DHX37: variants seen among roughly 807,000 people sequenced by gnomAD.
The protein encoded by DHX37 is DEAH-box helicase 37, also known as probable ATP-dependent RNA helicase DHX37.
DHX37 carries 52 observed loss-of-function variants against 134.3 expected under a neutral mutation model. The ratio of observed to expected loss-of-function variants is 0.39; its 90% CI spans 0.31 to 0.49. The LOEUF is 0.49. DHX37 is among the 20% of genes least tolerant of loss of function. The pLI is 0.93. For missense variants in DHX37, 1,344 were observed against 1,580.8 expected (o/e 0.85, Z 2.54); for synonymous variants, 634 against 670.7 (o/e 0.95, Z 0.85).
intron 4 of DHX37, 122 bp from the exon 5 acceptor site, chr12:124,977,612 C>A: frequency 8.3e-7 from 1 of 1,202,632 alleles, no homozygotes. Context: ...GAACAGAGGC[C>A]CTGACAGCTG....
chr12:124,971,194 G>T, intron 8 of DHX37, 108 bp downstream of exon 8: 1 of 1,489,872 alleles, frequency 6.7e-7, no homozygotes, highest in African/African-American at 1.4e-5. Context: ...CCTGCTCATG[G>T]CAGCAGCCCA....
rs1056944479 is a variant in DHX37, at chr12:124,985,805, GA to G, written c.276+290del. Among the ~76,000 whole-genome samples the G allele has an allele frequency of 3.3e-5, 3 of 89,684 alleles. No homozygotes were observed. The East Asian group carries it at 9.1e-4, about 27-fold the overall frequency. The allele number at this position is 89,684 out of a possible 152,430, so 58.8% of individuals were successfully genotyped here. The stretch of plus-strand genomic sequence containing the variant: ...GGGGGTGGGGGAACAAAACAAAAAA[GA>G]AAAAAAAATTAAATTTAAATTAAAA... On this transcript the variant is annotated intron_variant, in intron 2 of 26. Coordinates refer to ENST00000308736, the MANE Select transcript of DHX37 (RefSeq NM_032656.4).
intron 15 of DHX37, among the ~76,000 whole-genome samples, chr12:124,962,011 G>C (rs1384951865): frequency 3.9e-5 from 6 of 152,118 alleles, no homozygotes; most frequent in Non-Finnish European, 8.8e-5. Flanking sequence ...GCAGGGCTGT[G>C]TGTGACAGGA....
At chr12:124,970,357 T>C (rs1954490013) in intron 8 of DHX37, among the ~76,000 whole-genome samples, 2 of 152,246 alleles carry the variant, frequency 1.3e-5, no homozygotes, top group Admixed American at 6.5e-5. Context: ...TAAAAACCAC[T>C]GAATTGTACA....
chr12:124,973,641 T>TC (rs1954566906), intron 6 of DHX37, among the ~76,000 whole-genome samples: 1 of 133,428 alleles, frequency 7.5e-6, no homozygotes, highest in African/African-American at 3.4e-5. Context: ...CCCAACGCTT[T>TC]TTTTTTTTTT....
intron 14 of DHX37, 101 bp from the exon 15 acceptor site, chr12:124,964,727 A>T: frequency 6.5e-7 from 1 of 1,534,828 alleles, no homozygotes; most frequent in Non-Finnish European, 8.7e-7. Flanking sequence ...TGTGCTGGAG[A>T]CGTAGCAAGG....
At chr12:124,962,465 G>A (rs574265831) in intron 15 of DHX37, among the ~76,000 whole-genome samples, 18 of 152,170 alleles carry the variant, frequency 1.2e-4, no homozygotes, top group Admixed American at 7.2e-4. Context: ...AGACCAGCCC[G>A]GTCAACATGG....
Position 124,950,450 on chromosome 12 carries a change from C to T in DHX37, c.3084G>A (p.Glu1028=), listed in dbSNP as rs1293446490. The T allele has an allele frequency of 6.3e-7, 1 of 1,591,984 alleles. No individual in the cohort carries two copies. Among genetic ancestry groups the T allele is most frequent in the Non-Finnish European group, 8.6e-7 (1 of 1,168,468 alleles). The change falls in exon 23 of 27, where the codon GAG becomes GAA. Residue 1028 remains glutamate, a synonymous_variant. Coordinates refer to ENST00000308736, the MANE Select transcript of DHX37 (RefSeq NM_032656.4). ...CCCGGTGACACAGCACCCGCCCCCG[C>T]TCGGGGCAGTATGTAGGGGCTGGTT... ...LEEPAPTYCP[E]RGRVLCHRAS... is the part of the protein sequence containing the mutation.
Position 124,949,915 on chromosome 12 carries a change from G to C in DHX37, c.3290+71C>G, listed in dbSNP as rs1953939617. The C allele has an allele frequency of 6.8e-7, 1 of 1,481,318 alleles. No individual in the cohort carries two copies. Among genetic ancestry groups the C allele is most frequent in the Non-Finnish European group, 9.2e-7 (1 of 1,088,278 alleles). The allele number at this position is 1,481,318 out of a possible 1,614,324, so 91.8% of individuals were successfully genotyped here. ...TCCCTGTGTGTGGTGCTTTGTCCTG[G>C]CAGCCCCGGGGAGGTCATTCAGGCC... On this transcript the variant is annotated intron_variant, in intron 25 of 26. Transcript: ENST00000308736. This position sits in a 1 kb window ranked among gnomAD's most constrained non-coding sequence, Gnocchi z 4.0.
intron 4 of DHX37, 95 bp from the exon 5 acceptor site, chr12:124,977,585 C>A (rs1018783753): frequency 6.5e-6 from 9 of 1,382,514 alleles, no homozygotes; most frequent in Non-Finnish European, 8.5e-6. Context: ...GGGTGCTGAA[C>A]AGATGTGCCT....
chr12:124,960,276 G>A lies in DHX37; in HGVS notation c.2157+36C>T. 3 of 1,597,698 alleles carry A rather than the reference G, an allele frequency of 1.9e-6. 1 individual carries two copies. On this transcript the variant is annotated intron_variant, in intron 16 of 26. Coordinates refer to ENST00000308736, the MANE Select transcript of DHX37 (RefSeq NM_032656.4). ...TCAGGGAAAGGGAGGTGGTCCACTG[G>A]GGTGGCTGAGAGCGGGGCTGGGGGC...
intron 8 of DHX37, among the ~76,000 whole-genome samples, 194 bp downstream of exon 8, chr12:124,971,107 CA>C (rs1267835812): frequency 1.3e-5 from 2 of 152,224 alleles, no homozygotes; most frequent in Non-Finnish European, 2.9e-5. Flanking sequence ...GAGGGGATCA[CA>C]CAGGGGCTGT....
chr12:124,978,631 T>G (rs74509918), intron 4 of DHX37, among the ~76,000 whole-genome samples: 1 of 146,730 alleles, frequency 6.8e-6, no homozygotes, highest in Non-Finnish European at 1.5e-5. Context: ...ATTTGTTTTT[T>G]TTAAAAATAT....
At chr12:124,983,785 CA>C (rs11298102) in intron 2 of DHX37, among the ~76,000 whole-genome samples, 4,888 of 117,350 alleles carry the variant, frequency 0.042, 145 homozygotes, top group African/African-American at 0.1. Flanking sequence ...ACCTTGTCTC[CA>C]AAAAAAAAAA....
At chr12:124,984,911 G>C (rs1954834718) in intron 2 of DHX37, among the ~76,000 whole-genome samples, 1 of 152,190 alleles carries the variant, frequency 6.6e-6, no homozygotes, top group Non-Finnish European at 1.5e-5. Flanking sequence ...AGGATCTCAA[G>C]ATGAGATGAT....
chr12:124,966,969 G>C, intron 11 of DHX37, 91 bp from the exon 12 acceptor site: 5 of 1,552,358 alleles, frequency 3.2e-6, no homozygotes, highest in Non-Finnish European at 4.4e-6. Context: ...TGGCCACTCA[G>C]TGGTGGCCAT....
chr12:124,957,046 C>A lies in DHX37; in HGVS notation c.2247G>T (p.Pro749=), dbSNP rs769624889. The A allele has an allele frequency of 6.6e-7, 1 of 1,512,404 alleles. No individual in the cohort carries two copies. The allele number at this position is 1,512,404 out of a possible 1,614,324, so 93.7% of individuals were successfully genotyped here. ...ELLIALGALQ[P]PQKAERVKQL... is the part of the protein sequence containing the mutation. Reference sequence around the variant, plus strand: ...GGCCTTACCTTTCTGCTTTCTGGGGCGGTTGCAGGGCACCCAGTGCGATCA... The same window carrying A: ...GGCCTTACCTTTCTGCTTTCTGGGGAGGTTGCAGGGCACCCAGTGCGATCA... Residue 749 remains proline (P), a synonymous_variant, in exon 17 of 27, where the codon CCG becomes CCT. Transcript: ENST00000308736.
At position 124,977,686 on chromosome 12, in the gene DHX37, C is replaced by T. The variant is rs527517709; in HGVS notation, c.739-196G>A. Among the ~76,000 whole-genome samples the T allele has an allele frequency of 4.6e-3, 696 of 152,228 alleles. 3 individuals are homozygous for T. The highest frequency in any genetic ancestry group is 7.7e-3 in the Non-Finnish European group (527 of 68,004). Reference sequence around the variant, plus strand: ...ACAGGGATCACATCCTTCAGGACACCAGGACTGACATCCCCAGGCACAGCT... The same window carrying T: ...ACAGGGATCACATCCTTCAGGACACTAGGACTGACATCCCCAGGCACAGCT... On this transcript the variant is annotated intron_variant, in intron 4 of 26. Transcript: ENST00000308736.
At chr12:124,983,440 CACACAG>C (rs1177040047) in intron 2 of DHX37, among the ~76,000 whole-genome samples, 3 of 151,020 alleles carry the variant, frequency 2.0e-5, no homozygotes, top group Admixed American at 1.3e-4. Context: ...CACACACACA[CACACAG>C]AACAAGGTAT....
Sources: allele counts gnomAD v4.1 joint callset (sites outside exome capture counted in the v4.1 genomes callset), GRCh38; gene constraint gnomAD v4.1.1; non-coding constraint Gnocchi (gnomAD v3.1); transcripts MANE v1.5; gene names NCBI Gene and HGNC (gene_info 2026-07-23, HGNC 2026-07-21).